RORA: variants seen among roughly 807,000 people sequenced by gnomAD.
RORA encodes RAR related orphan receptor A.
A neutral mutation model predicts 69.5 loss-of-function variants in RORA; 7 were observed. The ratio of observed to expected loss-of-function variants is 0.10; its 90% CI spans 0.06 to 0.19. RORA has a LOEUF of 0.19. RORA is among the 10% of genes least tolerant of loss of function. The probability of loss-of-function intolerance (pLI) is 1.00; values close to 1 mark genes in which losing one functional copy is unlikely to be tolerated. For missense variants in RORA, 457 were observed against 663.0 expected, an observed-to-expected ratio of 0.69 and a Z score of 3.41; for synonymous variants, 261 against 240.8, an observed-to-expected ratio of 1.08 and a Z score of -0.78.
At chr15:60,597,571 TATACAC>T (rs1165978128) in intron 2 of RORA, among the ~76,000 whole-genome samples, 6 of 35,366 alleles carry the variant, frequency 1.7e-4, no homozygotes, top group Non-Finnish European at 2.3e-4. Flanking sequence ...TATATATATA[TATACAC>T]ATATATATAT....
chr15:61,096,651 C>T (rs942777702), intron 1 of RORA, among the ~76,000 whole-genome samples: 1 of 152,134 alleles, frequency 6.6e-6, no homozygotes, highest in African/African-American at 2.4e-5. Flanking sequence ...GCTGGATCTT[C>T]CTTGCACACA....
intron 1 of RORA, among the ~76,000 whole-genome samples, chr15:61,026,331 T>C (rs1376919753): frequency 2.0e-5 from 3 of 152,220 alleles, no homozygotes; most frequent in Non-Finnish European, 2.9e-5. Context: ...CCAAAGCATA[T>C]GCTGCATTGT....
chr15:60,978,186 T>C (rs1439442815), intron 1 of RORA, among the ~76,000 whole-genome samples: 1 of 152,156 alleles, frequency 6.6e-6, no homozygotes, highest in African/African-American at 2.4e-5. Context: ...ATCACAATCA[T>C]CAACATGGCC....
chr15:61,079,220 GCCA>G (rs1162422171), intron 1 of RORA, among the ~76,000 whole-genome samples: 3 of 152,082 alleles, frequency 2.0e-5, no homozygotes, highest in South Asian at 2.1e-4. Context: ...CAGAAATGAT[GCCA>G]CCAATTCATT....
At chr15:60,894,689 C>A (rs1437875138) in intron 1 of RORA, among the ~76,000 whole-genome samples, 3 of 152,212 alleles carry the variant, frequency 2.0e-5, no homozygotes, top group Non-Finnish European at 4.4e-5. Context: ...TTCTGCAGGT[C>A]TGGGGCAAGG....
chr15:61,066,411 C>A (rs1194139125), intron 1 of RORA, among the ~76,000 whole-genome samples: 1 of 138,236 alleles, frequency 7.2e-6, no homozygotes, highest in African/African-American at 2.7e-5. Context: ...GAAGACAGGG[C>A]ATATTCCTTT....
chr15:60,590,170 C>CCTCTCTCTCTCTCTCTCTCTCTCTCT (rs1426237027), intron 2 of RORA, among the ~76,000 whole-genome samples: 8 of 101,502 alleles, frequency 7.9e-5, no homozygotes, highest in Admixed American at 2.8e-4. Context: ...TCTCCCTCTT[C>CCTCTCTCTCTCTCTCTCTCTCTCTCT]CTCTATCTCT....
chr15:60,567,240 G>A (rs926654013), intron 2 of RORA, among the ~76,000 whole-genome samples: 1 of 150,348 alleles, frequency 6.7e-6, no homozygotes, highest in Non-Finnish European at 1.5e-5. Context: ...TCCAAACGGC[G>A]ACAGAGCCAA....
At chr15:60,670,567 G>A (rs2070450843) in intron 2 of RORA, among the ~76,000 whole-genome samples, 1 of 152,078 alleles carries the variant, frequency 6.6e-6, no homozygotes, top group Admixed American at 6.6e-5. Flanking sequence ...AAGACAGTAG[G>A]AGCTGGAGTT....
chr15:60,906,062 A>G (rs561637184), intron 1 of RORA, among the ~76,000 whole-genome samples: 1 of 152,298 alleles, frequency 6.6e-6, no homozygotes, highest in African/African-American at 2.4e-5. Context: ...GCATCATTAA[A>G]ACCAGTTGGG....
intron 2 of RORA, among the ~76,000 whole-genome samples, chr15:60,578,776 T>G (rs1030839169): frequency 6.6e-6 from 1 of 151,782 alleles, no homozygotes; most frequent in Admixed American, 6.6e-5. Context: ...TTTTTTTTTT[T>G]TTTTTGAGAC....
intron 1 of RORA, among the ~76,000 whole-genome samples, chr15:61,178,573 T>G (rs1319973444): frequency 6.6e-6 from 1 of 152,098 alleles, no homozygotes; most frequent in African/African-American, 2.4e-5. Context: ...CTAAAACACT[T>G]CTAAGGCATC....
At chr15:61,149,439 TAGAAA>T (rs899216583) in intron 1 of RORA, among the ~76,000 whole-genome samples, 2 of 151,512 alleles carry the variant, frequency 1.3e-5, no homozygotes, top group Non-Finnish European at 2.9e-5. Flanking sequence ...CCACCACTAC[TAGAAA>T]AGAAGTTACT....
rs533359965 is a variant in RORA at position 60,870,700 on chromosome 15, G to A, written c.167-192014C>T. On this transcript the variant is annotated intron_variant, in intron 1 of 10. Transcript: ENST00000335670. The stretch of plus-strand genomic sequence containing the variant: ...CATAAGACCTCCTGGACAATGGCCT[G>A]CATCTTCCCCTCCCCACTAGGCATT... Among the ~76,000 whole-genome samples, 10 of 152,308 alleles carry A rather than the reference G, an allele frequency of 6.6e-5. No homozygotes were observed. In the East Asian group the frequency reaches 1.9e-3, roughly 29 times the overall value.
chr15:60,884,340 T>C (rs1271011156), intron 1 of RORA, among the ~76,000 whole-genome samples: 1 of 152,066 alleles, frequency 6.6e-6, no homozygotes, highest in Non-Finnish European at 1.5e-5. Flanking sequence ...AGAATTTTTT[T>C]TTTTTTTCAA....
rs1355988768 is a variant in RORA at position 61,047,087 on chromosome 15, A to C, written c.166+181966T>G. Among the ~76,000 whole-genome samples the C allele has an allele frequency of 2.6e-5, 4 of 152,192 alleles. No homozygotes were observed. The East Asian group carries it at 7.7e-4, about 29-fold the overall frequency. On this transcript the variant is annotated intron_variant, in intron 1 of 10. Coordinates refer to ENST00000335670, the MANE Select transcript of RORA (RefSeq NM_134261.3). ...CAGCCACCTCTGGTGTGAAACCTAT[A>C]AGGATTCTCTCTTTTTATTCTAGAA...
At chr15:61,002,903 G>A (rs200057257) in intron 1 of RORA, among the ~76,000 whole-genome samples, 3 of 151,552 alleles carry the variant, frequency 2.0e-5, no homozygotes, top group East Asian at 1.9e-4. Flanking sequence ...AAGAAGAGGC[G>A]GGCAGATTAC....
At chr15:61,038,590 T>C (rs1252611952) in intron 1 of RORA, among the ~76,000 whole-genome samples, 1 of 152,240 alleles carries the variant, frequency 6.6e-6, no homozygotes, top group Admixed American at 6.5e-5. Context: ...TGAGAATGTT[T>C]TGACATCCAG....
intron 1 of RORA, among the ~76,000 whole-genome samples, chr15:60,716,611 C>T (rs1487445766): frequency 6.6e-6 from 1 of 152,136 alleles, no homozygotes. Context: ...TGTGTGAGGC[C>T]TCAGGGACAG....
Sources: gnomAD v4.1 joint callset for allele counts (sites outside exome capture counted in the v4.1 genomes callset) on GRCh38, gnomAD v4.1.1 for gene constraint, MANE v1.5 for transcripts, NCBI Gene and HGNC (gene_info 2026-07-23, HGNC 2026-07-21) for gene names.